PACRG: variants seen among roughly 807,000 people sequenced by gnomAD.
PACRG encodes the protein parkin coregulated, also known as parkin coregulated gene protein.
In PACRG, 29 loss-of-function variants were observed where a neutral mutation model predicts 29.7. The observed-to-expected ratio is 0.98, with a 90% CI of 0.73 to 1.33. The LOEUF is 1.33. PACRG is among the 40% of genes most tolerant of loss of function. The pLI is 0.00. For synonymous variants in PACRG, 116 were observed against 118.7 expected (o/e 0.98, Z 0.15); for missense variants, 279 against 316.2 (o/e 0.88, Z 0.89).
chr6:163,106,091 C>T (rs1429692316), intron 4 of PACRG, among the ~76,000 whole-genome samples: 2 of 151,984 alleles, frequency 1.3e-5, no homozygotes, highest in African/African-American at 4.8e-5. Flanking sequence ...TCCTCACAAA[C>T]CCAGGAGGAA....
intron 1 of PACRG, among the ~76,000 whole-genome samples, chr6:162,800,183 A>G (rs937207667): frequency 1.6e-4 from 25 of 152,160 alleles, no homozygotes; most frequent in African/African-American, 6.0e-4. Flanking sequence ...CTTTTTCTAT[A>G]TTTAACTGCA....
chr6:163,126,585 A>G (rs1462859270), intron 4 of PACRG, among the ~76,000 whole-genome samples: 4 of 152,198 alleles, frequency 2.6e-5, no homozygotes, highest in African/African-American at 9.6e-5. Flanking sequence ...CCTTTTACAC[A>G]TACTCAATTA....
intron 1 of PACRG, among the ~76,000 whole-genome samples, chr6:162,804,591 CCTTAATTTAAGGCTTTTGCCATCCCATG>C (rs1412729251): frequency 1.2e-4 from 19 of 152,068 alleles, no homozygotes; most frequent in Admixed American, 1.2e-3. Flanking sequence ...CTTGATGCCA[CCTTAATTTAAGGCTTTTGCCATCCCATG>C]CTTGGACCAC....
At chr6:163,021,885 A>G (rs1222105004) in intron 2 of PACRG, among the ~76,000 whole-genome samples, 2 of 152,246 alleles carry the variant, frequency 1.3e-5, no homozygotes, top group Non-Finnish European at 2.9e-5. Context: ...AAGCATCAGA[A>G]TAATGTGTTT....
At chr6:163,251,457 A>G (rs1369245713) in intron 4 of PACRG, among the ~76,000 whole-genome samples, 2 of 152,126 alleles carry the variant, frequency 1.3e-5, no homozygotes, top group Non-Finnish European at 2.9e-5. Flanking sequence ...TGGATCTTAA[A>G]CTGGTTTCCC....
In PACRG at chr6:163,046,587, T is replaced by C. The variant is rs945513031; in HGVS notation, c.292-15563T>C. 5.3e-5 allele frequency: 8 copies of C among 152,192 alleles called. No individual in the cohort carries two copies. In the East Asian group the frequency reaches 1.6e-3, roughly 30 times the overall value. 9.4% of individuals were successfully genotyped at this position (152,192 alleles called of 1,614,324 possible). A position where few individuals can be genotyped will look rare whatever the true frequency, so the allele number is the denominator to read the frequency against. On this transcript the variant is annotated intron_variant, in intron 2 of 4. Transcript: ENST00000366888. ...ACTGGTGGATTTCACTACATACCAG[T>C]GATGGCTTTGAACCCGGGGGTGCCT...
At chr6:163,058,348 C>A (rs1466123481) in intron 2 of PACRG, among the ~76,000 whole-genome samples, 1 of 152,144 alleles carries the variant, frequency 6.6e-6, no homozygotes, top group Non-Finnish European at 1.5e-5. Flanking sequence ...ATCAGTCGAA[C>A]AAAAGCCATA....
intron 2 of PACRG, among the ~76,000 whole-genome samples, chr6:162,947,808 AAAAT>A (rs1190277127): frequency 1.3e-5 from 2 of 150,468 alleles, no homozygotes; most frequent in Admixed American, 6.7e-5. Context: ...AATAGCTACA[AAAAT>A]AAATAAATAA....
intron 4 of PACRG, among the ~76,000 whole-genome samples, chr6:163,175,287 A>G (rs534143526): frequency 8.1e-4 from 123 of 152,294 alleles, no homozygotes; most frequent in African/African-American, 2.9e-3. Context: ...CAGCTCCCAA[A>G]TATCTTAGGG....
chr6:162,776,876 G>T (rs1489718076), intron 1 of PACRG, among the ~76,000 whole-genome samples: 17 of 152,064 alleles, frequency 1.1e-4, no homozygotes, highest in Admixed American at 1.1e-3. Flanking sequence ...TCTCTCTCTG[G>T]GTTTTTAATA....
At chr6:163,304,968 A>G (rs1232804364) in intron 4 of PACRG, among the ~76,000 whole-genome samples, 8 of 152,236 alleles carry the variant, frequency 5.3e-5, no homozygotes, top group Admixed American at 5.2e-4. Context: ...AGATGGAAAG[A>G]TAAACAGACT....
At position 162,869,886 on chromosome 6, in the gene PACRG, C is replaced by T. The variant is rs76628052; in HGVS notation, c.291+55605C>T. 1.5e-3 allele frequency among the ~76,000 whole-genome samples: 228 copies of T among 152,268 alleles called. 2 individuals are homozygous for T. In the East Asian group the frequency reaches 0.018, roughly 12 times the overall value. On this transcript the variant is annotated intron_variant, in intron 2 of 4. Transcript: ENST00000366888. ...GAAAATATACTATGAGCCCTGTTGA[C>T]AGTACATGGAGCATTTTGTGCGATT...
chr6:163,233,187 T>C (rs919807119), intron 4 of PACRG, among the ~76,000 whole-genome samples: 1 of 152,254 alleles, frequency 6.6e-6, no homozygotes. Context: ...CACTATCCTT[T>C]GTATTTTTCT....
chr6:163,295,974 A>T (rs914417152), intron 4 of PACRG, among the ~76,000 whole-genome samples: 1 of 152,156 alleles, frequency 6.6e-6, no homozygotes, highest in Admixed American at 6.5e-5. Flanking sequence ...GCCTTCTGCT[A>T]TCAGAAGGGC....
At chr6:163,296,150 A>T (rs1784771875) in intron 4 of PACRG, among the ~76,000 whole-genome samples, 1 of 152,130 alleles carries the variant, frequency 6.6e-6, no homozygotes, top group South Asian at 2.1e-4. Context: ...CAAAAGCTCT[A>T]ATTTGCTATC....
At chr6:163,074,946 A>G (rs552242615) in intron 3 of PACRG, among the ~76,000 whole-genome samples, 231 of 152,138 alleles carry the variant, frequency 1.5e-3, no homozygotes, top group African/African-American at 5.3e-3. Flanking sequence ...GTGGGCTGTG[A>G]TTGGGCACTG....
intron 2 of PACRG, among the ~76,000 whole-genome samples, chr6:162,948,987 C>G (rs2128130373): frequency 6.6e-6 from 1 of 152,126 alleles, no homozygotes; most frequent in African/African-American, 2.4e-5. Context: ...TATGATATGG[C>G]AATTTTACTA....
At chr6:163,164,237 A>G (rs1167485523) in intron 4 of PACRG, among the ~76,000 whole-genome samples, 1 of 152,258 alleles carries the variant, frequency 6.6e-6, no homozygotes, top group Non-Finnish European at 1.5e-5. Flanking sequence ...CTTGCTCTGC[A>G]ATAGCCATAA....
intron 2 of PACRG, among the ~76,000 whole-genome samples, chr6:162,816,967 G>A (rs1787407533): frequency 6.6e-6 from 1 of 152,184 alleles, no homozygotes; most frequent in Non-Finnish European, 1.5e-5. Context: ...GAGGAGCAGT[G>A]CTTCCCTCCG....
Sources: gnomAD v4.1 joint callset for allele counts (sites outside exome capture counted in the v4.1 genomes callset) on GRCh38, gnomAD v4.1.1 for gene constraint, MANE v1.5 for transcripts, NCBI Gene and HGNC (gene_info 2026-07-23, HGNC 2026-07-21) for gene names.